Variants in DENND5A observed in about 807,000 individuals in gnomAD.
The protein encoded by DENND5A is DENN domain-containing protein 5A.
Under a neutral mutation model 140.3 loss-of-function variants are expected in DENND5A, and 64 were observed. The ratio of observed to expected loss-of-function variants is 0.46; its 90% CI spans 0.37 to 0.56. The LOEUF is 0.56. Ranked by LOEUF, DENND5A falls within the 20% of genes least tolerant of loss-of-function variation. DENND5A has a pLI of 0.00. For missense variants in DENND5A, 1,292 were observed against 1,593.8 expected (o/e 0.81, Z 3.22); for synonymous variants, 605 against 607.7 (o/e 1.00, Z 0.07).
chr11:9,245,066 C>CCT (rs1564937646), intron 1 of DENND5A, among the ~76,000 whole-genome samples: 13 of 151,650 alleles, frequency 8.6e-5, no homozygotes, highest in South Asian at 2.1e-4. Context: ...GGGTGAATCA[C>CCT]GAGGTCAGGA....
intron 1 of DENND5A, among the ~76,000 whole-genome samples, chr11:9,263,624 T>G: frequency 7.0e-6 from 1 of 143,702 alleles, no homozygotes; most frequent in Non-Finnish European, 1.5e-5. Context: ...GGGTGGATCA[T>G]GAGGTCAGGA....
In DENND5A at chr11:9,250,043, T is replaced by TAAAAA. The variant is rs145412972; in HGVS notation, c.109+14917_109+14918insTTTTT. On this transcript the variant is annotated intron_variant, in intron 1 of 22. Coordinates refer to ENST00000328194, the MANE Select transcript of DENND5A (RefSeq NM_015213.4). ...GTGTTCATGCCTTTAAAAATAAAAT[T>TAAAAA]TAAAAAAAAAAAAAAAATCCTTAAA... is the stretch of plus-strand genomic sequence containing the variant. Among the ~76,000 whole-genome samples the TAAAAA allele has an allele frequency of 1.3e-3, 152 of 115,468 alleles. 1 individual carries two copies. The highest frequency in any genetic ancestry group is 4.5e-3 in the African/African-American group (143 of 31,948). 75.8% of individuals were successfully genotyped at this position (115,468 alleles called of 152,430 possible).
At chr11:9,232,700 C>G (rs1037592701) in intron 1 of DENND5A, among the ~76,000 whole-genome samples, 5 of 152,056 alleles carry the variant, frequency 3.3e-5, no homozygotes, top group African/African-American at 9.7e-5. Context: ...TACCTATGAC[C>G]CAGCAATTCC....
chr11:9,265,065 C>T lies in DENND5A; in HGVS notation c.5G>A (p.Ser2Asn). The T allele has an allele frequency of 6.5e-7, 1 of 1,536,610 alleles. No homozygotes were observed. Among genetic ancestry groups the T allele is most frequent in the South Asian group, 1.2e-5 (1 of 83,514 alleles). Residue 2 changes from serine (S) to asparagine (N), a missense_variant, in exon 1 of 23, where the codon AGT becomes AAT. By Grantham distance (46) the Ser-to-Asn change is conservative. This residue lies in a region of DENND5A where 566 missense variants were observed against 650.4 expected (regional missense o/e 0.87). Transcript: ENST00000328194. The surrounding 1 kb of genome is among the most constrained non-coding windows in gnomAD (Gnocchi z 4.7). ...CGAGCCCCCTCCGCCGCCGCCGCCA[C>T]TCATGGCGCCGGGGCCGAGACCGGC... MSGGGGGGGSAP... is the reference protein window; with the variant it reads MNGGGGGGGSAP...
intron 2 of DENND5A, chr11:9,207,204 G>A (rs1286326786): frequency 2.1e-6 from 1 of 465,870 alleles, no homozygotes; most frequent in Non-Finnish European, 4.0e-6. Flanking sequence ...GCATTTCAAT[G>A]ATCTCTGGGA....
chr11:9,203,408 A>G (rs1039843283), intron 4 of DENND5A: 9 of 405,664 alleles, frequency 2.2e-5, no homozygotes, highest in African/African-American at 1.0e-4. Flanking sequence ...TTTCACTTCA[A>G]TCAGAAGGGA....
In DENND5A at chr11:9,147,096, G is replaced by A; in HGVS notation, c.2791C>T (p.Leu931Phe). 6.2e-7 allele frequency: 1 copy of A among 1,614,118 alleles called. No individual in the cohort carries two copies. Among genetic ancestry groups the A allele is most frequent in the South Asian group, 1.1e-5 (1 of 91,086 alleles). ...GCATTGAAAGACAGGAGGTGATAGA[G>A]GAACTGCTCCTTCTCGTCATCACAG... Reference protein sequence around the residue: ...LRCDDEKEQFLYHLLSFNAVD... With the variant: ...LRCDDEKEQFFYHLLSFNAVD... The change falls in exon 16 of 23, where the codon CTC becomes TTC. Residue 931 changes from leucine (L) to phenylalanine (F), a missense_variant. By Grantham distance (22) the Leu-to-Phe change is conservative. Around this residue, in one of 4 missense-constraint regions of DENND5A, gnomAD observed 498 missense variants for 689.7 expected, o/e 0.72. Coordinates refer to ENST00000328194, the MANE Select transcript of DENND5A (RefSeq NM_015213.4).
At chr11:9,175,063 G>A (rs1848504168) in intron 8 of DENND5A, among the ~76,000 whole-genome samples, 1 of 152,116 alleles carries the variant, frequency 6.6e-6, no homozygotes, top group African/African-American at 2.4e-5. Context: ...CAGGTAATAT[G>A]ACTGTCTATG....
intron 4 of DENND5A, among the ~76,000 whole-genome samples, chr11:9,194,892 T>C (rs1849266035): frequency 6.6e-6 from 1 of 150,448 alleles, no homozygotes; most frequent in Non-Finnish European, 1.5e-5. Flanking sequence ...GCTAATTTTG[T>C]GTTTTTGGTA....
intron 1 of DENND5A, among the ~76,000 whole-genome samples, chr11:9,246,539 G>A (rs1040305353): frequency 6.6e-6 from 1 of 151,428 alleles, no homozygotes; most frequent in African/African-American, 2.4e-5. Context: ...TTGAACCCAG[G>A]GGGTGGAGGT....
chr11:9,251,150 A>AG (rs1851702678), intron 1 of DENND5A, among the ~76,000 whole-genome samples: 1 of 151,706 alleles, frequency 6.6e-6, no homozygotes, highest in Non-Finnish European at 1.5e-5. Flanking sequence ...AAAAAAAAAA[A>AG]AAAAAAAGAA....
At chr11:9,234,557 C>A (rs570179301) in intron 1 of DENND5A, among the ~76,000 whole-genome samples, 1 of 152,272 alleles carries the variant, frequency 6.6e-6, no homozygotes, top group East Asian at 1.9e-4. Flanking sequence ...CAAAACTGGC[C>A]ATAAACAAAA....
rs1400557275 is a variant in DENND5A, at chr11:9,225,720, C to T, written c.110-18088G>A. Among the ~76,000 whole-genome samples, 3 of 152,148 alleles carry T rather than the reference C, an allele frequency of 2.0e-5. No individual in the cohort carries two copies. In the East Asian group the frequency reaches 5.8e-4, roughly 29 times the overall value. On this transcript the variant is annotated intron_variant, in intron 1 of 22. Transcript: ENST00000328194. ...GAAGTTACAGTGAACCAAGATCACG[C>T]CACTCTACTCCAGCCTGGGCAACAG... is the stretch of plus-strand genomic sequence containing the variant.
rs561261073 is a variant in DENND5A, at chr11:9,234,319, C to T, written c.110-26687G>A. On this transcript the variant is annotated intron_variant, in intron 1 of 22. Coordinates refer to ENST00000328194, the MANE Select transcript of DENND5A (RefSeq NM_015213.4). ...CCTCAATCTTTCCCACCGATCCCCC[C>T]CCCAAAAAAATGAGCAAAAAGAGAA... Among the ~76,000 whole-genome samples, 111 of 152,042 alleles carry T rather than the reference C, an allele frequency of 7.3e-4. 2 individuals carry two copies. Among genetic ancestry groups the T allele is most frequent in the African/African-American group, 2.5e-3 (104 of 41,460 alleles).
chr11:9,160,704 A>C lies in DENND5A; in HGVS notation c.2436+9T>G, dbSNP rs373799122. 12 of 1,605,942 alleles carry C rather than the reference A, an allele frequency of 7.5e-6. No individual in the cohort carries two copies. The African/African-American group carries it at 1.6e-4, about 21-fold the overall frequency. On this transcript the variant is annotated intron_variant, in intron 12 of 22. Transcript: ENST00000328194. The stretch of plus-strand genomic sequence containing the variant: ...TTTGCTCAGCAATGAGAGGCAAGAC[A>C]TACATTACCTGTTTCACTTGTAGTC...
At chr11:9,234,733 C>T (rs564929076) in intron 1 of DENND5A, among the ~76,000 whole-genome samples, 4 of 152,360 alleles carry the variant, frequency 2.6e-5, no homozygotes, top group Non-Finnish European at 5.9e-5. Context: ...GCCTTAAGGA[C>T]GTGCTCCTGC....
intron 22 of DENND5A, among the ~76,000 whole-genome samples, chr11:9,140,578 T>C (rs569163243): frequency 6.6e-6 from 1 of 152,280 alleles, no homozygotes; most frequent in East Asian, 1.9e-4. Context: ...TGAAACAACT[T>C]TGTACTAATA....
At position 9,144,871 on chromosome 11, in the gene DENND5A, C is replaced by T. The variant is rs139841111; in HGVS notation, c.3122+124G>A. The T allele has an allele frequency of 7.7e-5, 54 of 699,174 alleles. No individual in the cohort carries two copies. The East Asian group carries it at 1.2e-3, about 16-fold the overall frequency. The allele number at this position is 699,174 out of a possible 1,614,324, so 43.3% of individuals were successfully genotyped here. ...TTCAAGTGTATGAGGCAGAGCCAAA[C>T]AGGAAGTTGCCTCAGGTTATCACAA... On this transcript the variant is annotated intron_variant, in intron 18 of 22. Coordinates refer to ENST00000328194, the MANE Select transcript of DENND5A (RefSeq NM_015213.4).
chr11:9,187,341 T>A (rs2136187186), intron 5 of DENND5A, among the ~76,000 whole-genome samples: 1 of 152,266 alleles, frequency 6.6e-6, no homozygotes, highest in South Asian at 2.1e-4. Flanking sequence ...AGGTACCGAA[T>A]GCCAAGTGAT....
Sources: allele counts gnomAD v4.1 joint callset (sites outside exome capture counted in the v4.1 genomes callset), GRCh38; gene constraint gnomAD v4.1.1; regional missense constraint gnomAD v4.1.1; non-coding constraint Gnocchi (gnomAD v3.1); transcripts MANE v1.5; gene names NCBI Gene and HGNC (gene_info 2026-07-23, HGNC 2026-07-21).